Variants in FOXP4 observed in about 807,000 individuals in gnomAD.
The protein encoded by FOXP4 is forkhead box P4.
FOXP4 carries 25 observed loss-of-function variants against 82.6 expected under a neutral mutation model. The ratio of observed to expected loss-of-function variants is 0.30; its 90% CI spans 0.22 to 0.42. The LOEUF is 0.42. Ranked by LOEUF, FOXP4 falls within the 10% of genes least tolerant of loss-of-function variation. FOXP4 has a pLI of 1.00. For missense variants in FOXP4, 785 were observed against 900.9 expected (o/e 0.87, Z 1.65); for synonymous variants, 415 against 388.2 (o/e 1.07, Z -0.81).
chr6:41,590,437 G>A, intron 12 of FOXP4, 90 bp downstream of exon 12: 4 of 1,407,582 alleles, frequency 2.8e-6, no homozygotes. Context: ...GAAGGTCCTG[G>A]GGCCAAGCAA....
intron 2 of FOXP4, among the ~76,000 whole-genome samples, chr6:41,567,008 A>AT (rs1562019337): frequency 6.6e-6 from 1 of 152,176 alleles, no homozygotes; most frequent in Non-Finnish European, 1.5e-5. Context: ...CATAACCCTT[A>AT]AGGGGCCTTT....
At chr6:41,582,328 C>G (rs186698290) in intron 3 of FOXP4, among the ~76,000 whole-genome samples, 13 of 152,156 alleles carry the variant, frequency 8.5e-5, no homozygotes, top group Non-Finnish European at 8.8e-5. Context: ...ATGAGATACA[C>G]GTGTAAAGGG....
intron 7 of FOXP4, 110 bp from the exon 8 acceptor site, chr6:41,587,683 C>T (rs1051551781): frequency 4.2e-5 from 39 of 924,710 alleles, no homozygotes; most frequent in Non-Finnish European, 6.0e-5. Context: ...CGCTGGGAAA[C>T]CTGTATTGGG....
chr6:41,590,773 C>T (rs191429757), intron 12 of FOXP4, among the ~76,000 whole-genome samples: 15 of 152,312 alleles, frequency 9.8e-5, no homozygotes, highest in Non-Finnish European at 2.1e-4. Context: ...GATACCCACA[C>T]AGGCATGTAC....
intron 16 of FOXP4, among the ~76,000 whole-genome samples, chr6:41,598,209 C>T (rs1766986616): frequency 6.7e-6 from 1 of 148,360 alleles, no homozygotes; most frequent in Admixed American, 6.7e-5. Flanking sequence ...TCCTCCTCCT[C>T]TCTTCTCTTT....
At chr6:41,583,843 A>G (rs1392323054) in intron 3 of FOXP4, among the ~76,000 whole-genome samples, 1 of 152,222 alleles carries the variant, frequency 6.6e-6, no homozygotes, top group Non-Finnish European at 1.5e-5. Context: ...TTTTCCCTGT[A>G]GCTGGATTCT....
In FOXP4 at chr6:41,549,380, C is replaced by G. The variant is rs183951728; in HGVS notation, c.-17+2513C>G. ...ACTTGCAAAGGGACCTGCTCCTGTC[C>G]CTTTCTGTGTAGGGATCTTCCTCAC... On this transcript the variant is annotated intron_variant, in intron 1 of 16. Transcript: ENST00000307972. Among the ~76,000 whole-genome samples the G allele has an allele frequency of 5.7e-3, 872 of 152,232 alleles. 8 individuals carry two copies. Among genetic ancestry groups the G allele is most frequent in the African/African-American group, 0.02 (836 of 41,556 alleles).
intron 1 of FOXP4, among the ~76,000 whole-genome samples, chr6:41,561,257 A>G (rs1173584320): frequency 6.6e-6 from 1 of 152,214 alleles, no homozygotes; most frequent in Non-Finnish European, 1.5e-5. Flanking sequence ...GTCCTGCCTA[A>G]GTGCAGGACC....
intron 3 of FOXP4, 121 bp from the exon 4 acceptor site, chr6:41,584,648 A>C (rs192716420): frequency 1.7e-6 from 2 of 1,187,054 alleles, no homozygotes; most frequent in Non-Finnish European, 2.3e-6. Flanking sequence ...CAGCAGAGCC[A>C]GAATTGGAAC....
chr6:41,568,313 A>G (rs1161159234), intron 2 of FOXP4, among the ~76,000 whole-genome samples: 1 of 152,138 alleles, frequency 6.6e-6, no homozygotes, highest in Non-Finnish European at 1.5e-5. Flanking sequence ...CAAGGTGGAT[A>G]TTATTATTCC....
intron 8 of FOXP4, 56 bp downstream of exon 8, chr6:41,587,953 C>G (rs1766255956): frequency 1.1e-6 from 1 of 902,790 alleles, no homozygotes; most frequent in Non-Finnish European, 1.8e-6. Flanking sequence ...GGCCTCTCCC[C>G]CAACCCTGCC....
rs560860797 is a variant in FOXP4 at position 41,600,119 on chromosome 6, C to T, written c.*1183C>T. ...TGGCCAAGACCTTCTCTCTCCACCC[C>T]TCCTCCATCCACCCTGAGGACCCTG... On this transcript the variant is annotated 3_prime_UTR_variant, in exon 17 of 17. Coordinates refer to ENST00000307972, the MANE Select transcript of FOXP4 (RefSeq NM_001012426.2). 1 of 152,904 alleles carries T rather than the reference C, an allele frequency of 6.5e-6. No homozygotes were observed. Among genetic ancestry groups the T allele is most frequent in the African/African-American group, 2.4e-5 (1 of 41,572 alleles). The allele number at this position is 152,904 out of a possible 1,614,324, so 9.5% of individuals were successfully genotyped here. A position where few individuals can be genotyped will look rare whatever the true frequency, so the allele number is the denominator to read the frequency against.
At chr6:41,574,022 C>T (rs1167374299) in intron 2 of FOXP4, among the ~76,000 whole-genome samples, 7 of 152,156 alleles carry the variant, frequency 4.6e-5, no homozygotes, top group South Asian at 2.1e-4. Flanking sequence ...CTTCCTCCTC[C>T]CCTAGGTTTT....
intron 5 of FOXP4, 41 bp from the exon 6 acceptor site, chr6:41,586,968 A>G: frequency 3.9e-6 from 6 of 1,538,962 alleles, no homozygotes; most frequent in Non-Finnish European, 5.3e-6. Flanking sequence ...CCTGAAGCTG[A>G]TGGCACCCCT....
chr6:41,586,292 AC>A (rs1428580071), intron 5 of FOXP4, among the ~76,000 whole-genome samples: 1 of 148,184 alleles, frequency 6.7e-6, no homozygotes, highest in Non-Finnish European at 1.5e-5. Context: ...CATGCTTCCC[AC>A]CCCCAGCAGG....
At chr6:41,575,135 AT>A (rs1222007928) in intron 2 of FOXP4, among the ~76,000 whole-genome samples, 2 of 151,818 alleles carry the variant, frequency 1.3e-5, no homozygotes, top group Non-Finnish European at 2.9e-5. Context: ...CGCCTGGCTA[AT>A]TTTTTGTATT....
intron 2 of FOXP4, among the ~76,000 whole-genome samples, chr6:41,571,795 C>G (rs920979734): frequency 6.6e-6 from 1 of 152,064 alleles, no homozygotes; most frequent in Non-Finnish European, 1.5e-5. Context: ...TGCTGGAGGA[C>G]AAAGCCTGGC....
chr6:41,561,554 C>A (rs564801740), intron 1 of FOXP4, among the ~76,000 whole-genome samples: 6 of 152,284 alleles, frequency 3.9e-5, no homozygotes, highest in Admixed American at 2.6e-4. Flanking sequence ...CTGCTCCTTG[C>A]TGAGGACCTT....
chr6:41,576,536 C>T (rs1276761840), intron 2 of FOXP4, among the ~76,000 whole-genome samples: 1 of 151,992 alleles, frequency 6.6e-6, no homozygotes, highest in Non-Finnish European at 1.5e-5. Context: ...TATGTGTGGA[C>T]AGATGTGAGA....
Sources: gnomAD v4.1 joint callset for allele counts (sites outside exome capture counted in the v4.1 genomes callset) on GRCh38, gnomAD v4.1.1 for gene constraint, MANE v1.5 for transcripts, NCBI Gene and HGNC (gene_info 2026-07-23, HGNC 2026-07-21) for gene names.